ZNF234: variants seen among roughly 807,000 people sequenced by gnomAD.
ZNF234 encodes the protein zinc finger protein 234.
In ZNF234, 4 loss-of-function variants were observed where a neutral mutation model predicts 10.3. The ratio of observed to expected loss-of-function variants is 0.39; its 90% CI spans 0.19 to 0.89. The LOEUF (loss-of-function observed/expected upper bound fraction) is 0.89. Ranked by LOEUF, ZNF234 falls within the 40% of genes least tolerant of loss-of-function variation. The pLI, the probability that ZNF234 is intolerant of heterozygous loss-of-function variation, is 0.38. For synonymous variants in ZNF234, 258 were observed against 280.1 expected, an observed-to-expected ratio of 0.92 and a Z score of 0.79; for missense variants, 711 against 836.1, an observed-to-expected ratio of 0.85 and a Z score of 1.85.
chr19:44,153,165 C>CACATATATATATATATATAT (rs1968786767), intron 5 of ZNF234, among the ~76,000 whole-genome samples: 1 of 97,890 alleles, frequency 1.0e-5, no homozygotes, highest in South Asian at 3.3e-4. Context: ...ATGTATTCAT[C>CACATATATATATATATATAT]ATATATATAT....
At chr19:44,150,949 G>A (rs1050559794) in intron 5 of ZNF234, among the ~76,000 whole-genome samples, 2 of 151,586 alleles carry the variant, frequency 1.3e-5, no homozygotes, top group Non-Finnish European at 2.9e-5. Context: ...CAGGAGAATC[G>A]CTTGAACCCA....
chr19:44,156,124 A>G (rs1968873174), intron 5 of ZNF234, 128 bp from the exon 6 acceptor site: 1 of 778,440 alleles, frequency 1.3e-6, no homozygotes, highest in African/African-American at 1.7e-5. Flanking sequence ...CATGATACAC[A>G]GTGGAAAAGA....
At chr19:44,144,491 T>A in intron 2 of ZNF234, 66 bp from the exon 3 acceptor site, 1 of 589,630 alleles carries the variant, frequency 1.7e-6, no homozygotes, top group Non-Finnish European at 2.7e-6. Context: ...TAATTCACAG[T>A]ACACATCTGT....
intron 2 of ZNF234, among the ~76,000 whole-genome samples, chr19:44,143,812 CAAAT>C (rs2065014841): frequency 6.6e-6 from 1 of 151,942 alleles, no homozygotes; most frequent in Non-Finnish European, 1.5e-5. Context: ...AACTCTGTCT[CAAAT>C]AAATTAAAAT....
Position 44,156,742 on chromosome 19 carries a change from T to G in ZNF234, c.726T>G (p.Ser242Arg), listed in dbSNP as rs1412656562. 1 of 1,613,950 alleles carries G rather than the reference T, an allele frequency of 6.2e-7. No homozygotes were observed. Among genetic ancestry groups the G allele is most frequent in the Admixed American group, 1.7e-5 (1 of 60,018 alleles). ...GTGTGGAATGTGGGAAAGGCTTCAG[T>G]CGTAGATCAACACTTACTGTACATT... Reference protein sequence around the residue: ...FKCVECGKGFSRRSTLTVHCK... With the variant: ...FKCVECGKGFRRRSTLTVHCK... The change falls in exon 6 of 6, where the codon AGT becomes AGG. Residue 242 changes from serine to arginine, a missense_variant. Transcript: ENST00000426739.
Position 44,158,073 on chromosome 19 carries a change from G to A in ZNF234, c.2057G>A (p.Ser686Asn), listed in dbSNP as rs1015221160. Residue 686 changes from serine (S) to asparagine (N), a missense_variant, in exon 6 of 6, where the codon AGT becomes AAT. Ser to Asn is a conservative substitution (Grantham distance 46). Transcript: ENST00000426739. ...ACATTTTATGAAAATGATGAGAATA[G>A]TAAGAACATCAGAGAGTTGTCAGAG... ...AGTFYENDEN[S>N]KNIRELSEGG... 7 of 1,610,728 alleles carry A rather than the reference G, an allele frequency of 4.3e-6. No individual in the cohort carries two copies. Among genetic ancestry groups the A allele is most frequent in the Non-Finnish European group, 5.9e-6 (7 of 1,179,156 alleles).
rs2122154565 is a variant in ZNF234 at position 44,157,025 on chromosome 19, G to T, written c.1009G>T (p.Val337Phe). The change falls in exon 6 of 6, where the codon GTC becomes TTC. Residue 337 changes from valine to phenylalanine, a missense_variant. By Grantham distance (50) the Val-to-Phe change is conservative. Transcript: ENST00000426739. The part of the protein sequence containing the change: ...CSSNLRIHQR[V>F]HTGEKPYKCE... ...CTCAAACCTTCGTATCCATCAAAGG[G>T]TCCACACAGGAGAGAAACCTTACAA... The T allele has an allele frequency of 1.2e-6, 2 of 1,614,044 alleles. No homozygotes were observed. Among genetic ancestry groups the T allele is most frequent in the Non-Finnish European group, 1.7e-6 (2 of 1,179,984 alleles).
At position 44,156,572 on chromosome 19, in the gene ZNF234, T is replaced by A; in HGVS notation, c.556T>A (p.Cys186Ser). The A allele has an allele frequency of 1.9e-6, 3 of 1,614,104 alleles. No individual in the cohort carries two copies. The highest frequency in any genetic ancestry group is 2.5e-6 in the Non-Finnish European group (3 of 1,180,004). The change falls in exon 6 of 6, where the codon TGT (cysteine) becomes AGT (serine). Residue 186 changes from cysteine (C) to serine (S), a missense_variant. By Grantham distance (112) the Cys-to-Ser change is moderately radical (BLOSUM62 -1). Coordinates refer to ENST00000426739, the MANE Select transcript of ZNF234 (RefSeq NM_006630.3). ...ATGTGATGAGTGTGGAAAAAGCTTC[T>A]GTTACATCTCAGCCCTTCATATTCA... ...HTCDECGKSFCYISALHIHQR... is the reference protein window; with the variant it reads ...HTCDECGKSFSYISALHIHQR...
chr19:44,158,100 G>A lies in ZNF234; in HGVS notation c.2084G>A (p.Gly695Glu), dbSNP rs370989172. The A allele has an allele frequency of 3.8e-6, 6 of 1,594,768 alleles. No homozygotes were observed. The African/African-American group carries it at 7.2e-5, about 19-fold the overall frequency. The change falls in exon 6 of 6, where the codon GGA becomes GAA. Residue 695 changes from glycine to glutamate, a missense_variant. Gly to Glu is a moderately conservative substitution (Grantham distance 98). Coordinates refer to ENST00000426739, the MANE Select transcript of ZNF234 (RefSeq NM_006630.3). ...AAGAACATCAGAGAGTTGTCAGAGGGAGGAAGTTCTACAAGGTGATTAAAA... is the reference window on the plus strand; with the variant it reads ...AAGAACATCAGAGAGTTGTCAGAGGAAGGAAGTTCTACAAGGTGATTAAAA... ...NSKNIRELSE[G>E]GSSTR
intron 3 of ZNF234, among the ~76,000 whole-genome samples, chr19:44,146,770 A>G (rs962734752): frequency 1.3e-5 from 2 of 149,780 alleles, no homozygotes; most frequent in African/African-American, 2.5e-5. Flanking sequence ...TGGTCATCAT[A>G]TAGAGAAGCA....
At chr19:44,143,865 G>C (rs1968528901) in intron 2 of ZNF234, among the ~76,000 whole-genome samples, 1 of 152,170 alleles carries the variant, frequency 6.6e-6, no homozygotes, top group African/African-American at 2.4e-5. Context: ...ATACTTGTTA[G>C]TGGGCAACAT....
At position 44,158,285 on chromosome 19, in the gene ZNF234, A is replaced by G; in HGVS notation, c.*166A>G. The G allele has an allele frequency of 1.3e-6, 1 of 785,952 alleles. No individual in the cohort carries two copies. The highest frequency in any genetic ancestry group is 1.5e-5 in the South Asian group (1 of 67,056). The allele number at this position is 785,952 out of a possible 1,614,324, so 48.7% of individuals were successfully genotyped here. A position where few individuals can be genotyped will look rare whatever the true frequency, so the allele number is the denominator to read the frequency against. ...TTTTTATTTTTTGTTTTGAAACAGAATCTCGCTCTGTTGCCCATGCTGGAT... is the reference window on the plus strand; with the variant it reads ...TTTTTATTTTTTGTTTTGAAACAGAGTCTCGCTCTGTTGCCCATGCTGGAT... On this transcript the variant is annotated 3_prime_UTR_variant, in exon 6 of 6. Transcript: ENST00000426739.
rs1044301417 is a variant in ZNF234, at chr19:44,157,366, T to G, written c.1350T>G (p.His450Gln). Residue 450 changes from histidine (H) to glutamine (Q), a missense_variant, in exon 6 of 6, where the codon CAT becomes CAG. By Grantham distance (24) the His-to-Gln change is conservative (BLOSUM62 0). Coordinates refer to ENST00000426739, the MANE Select transcript of ZNF234 (RefSeq NM_006630.3). ...ATCTTAAAATCCATCTGAAAGCACATAGTGTACAGAAACCTTTTAAGTGTG... is the reference window on the plus strand; with the variant it reads ...ATCTTAAAATCCATCTGAAAGCACAGAGTGTACAGAAACCTTTTAAGTGTG... ...SSYLKIHLKA[H>Q]SVQKPFKCEE... 6.2e-7 allele frequency: 1 copy of G among 1,613,878 alleles called. No individual in the cohort carries two copies. The highest frequency in any genetic ancestry group is 8.5e-7 in the Non-Finnish European group (1 of 1,179,866).
At position 44,157,111 on chromosome 19, in the gene ZNF234, C is replaced by A. The variant is rs1313668186; in HGVS notation, c.1095C>A (p.Ile365=). 1.2e-6 allele frequency: 2 copies of A among 1,614,110 alleles called. No homozygotes were observed. The highest frequency in any genetic ancestry group is 2.2e-5 in the East Asian group (1 of 44,872). ...CACAATTTCAGGCCCATCGGAGAAT[C>A]CACACTGGAGAGAAACCATACGTAT... is the stretch of plus-strand genomic sequence containing the variant. ...QPSQFQAHRR[I]HTGEKPYVCK... The change falls in exon 6 of 6, where the codon ATC becomes ATA. Residue 365 remains isoleucine (I), a synonymous_variant. Transcript: ENST00000426739.
intron 3 of ZNF234, 147 bp from the exon 4 acceptor site, chr19:44,148,624 A>G: frequency 9.1e-7 from 1 of 1,101,214 alleles, no homozygotes; most frequent in Non-Finnish European, 1.4e-6. Flanking sequence ...GGCATTGGTA[A>G]GATGGAAGGA....
intron 3 of ZNF234, among the ~76,000 whole-genome samples, chr19:44,147,755 G>A (rs1968636032): frequency 6.6e-6 from 1 of 152,102 alleles, no homozygotes; most frequent in Non-Finnish European, 1.5e-5. Context: ...GGGAGGCTGA[G>A]GCAGGAGAAT....
In ZNF234 at chr19:44,159,729, A is replaced by G; in HGVS notation, c.*1610A>G. 1.5e-5 allele frequency: 6 copies of G among 399,122 alleles called. No homozygotes were observed. The highest frequency in any genetic ancestry group is 1.0e-4 in the South Asian group (6 of 57,814). The allele number at this position is 399,122 out of a possible 1,614,324, so 24.7% of individuals were successfully genotyped here. On this transcript the variant is annotated 3_prime_UTR_variant, in exon 6 of 6. Coordinates refer to ENST00000426739, the MANE Select transcript of ZNF234 (RefSeq NM_006630.3). Reference sequence around the variant, plus strand: ...GACATGATTGCCGTCTAATAACTGTAGCATTCTCTTATTAAAACTTCTGGC... The same window carrying G: ...GACATGATTGCCGTCTAATAACTGTGGCATTCTCTTATTAAAACTTCTGGC...
chr19:44,156,824 A>G lies in ZNF234; in HGVS notation c.808A>G (p.Ile270Val), dbSNP rs776187267. 6.2e-7 allele frequency: 1 copy of G among 1,609,696 alleles called. No homozygotes were observed. Among genetic ancestry groups the G allele is most frequent in the South Asian group, 1.1e-5 (1 of 90,742 alleles). Residue 270 changes from isoleucine to valine, a missense_variant, in exon 6 of 6, where the codon ATA becomes GTA. Ile to Val is a conservative substitution (Grantham distance 29). Coordinates refer to ENST00000426739, the MANE Select transcript of ZNF234 (RefSeq NM_006630.3). Reference protein sequence around the residue: ...YNCEECGRAFIHASHLQEHQR... With the variant: ...YNCEECGRAFVHASHLQEHQR... The stretch of plus-strand genomic sequence containing the variant: ...TTGTGAGGAATGTGGAAGGGCCTTC[A>G]TACATGCTTCCCATCTTCAGGAACA...
At chr19:44,144,673 G>T in intron 3 of ZNF234, 26 bp downstream of exon 3, 1 of 1,531,442 alleles carries the variant, frequency 6.5e-7, no homozygotes. Context: ...CACTCTTGCT[G>T]TTAAAATTCC....
Sources: gnomAD v4.1 joint callset for allele counts (sites outside exome capture counted in the v4.1 genomes callset) on GRCh38, gnomAD v4.1.1 for gene constraint, MANE v1.5 for transcripts, NCBI Gene and HGNC (gene_info 2026-07-23, HGNC 2026-07-21) for gene names.